The following KDM5A variants were observed in gnomAD, a reference collection of about 807,000 sequenced individuals.
The protein encoded by KDM5A is lysine demethylase 5A.
Under a neutral mutation model 193.5 loss-of-function variants are expected in KDM5A, and 42 were observed. That is an observed-to-expected ratio of 0.22 (90% CI 0.17 to 0.28). The LOEUF (loss-of-function observed/expected upper bound fraction) is 0.28, where lower values mean the gene tolerates loss of function less well. Ranked by LOEUF, KDM5A falls within the 10% of genes least tolerant of loss-of-function variation. KDM5A has a pLI of 1.00. For missense variants in KDM5A, 1,692 were observed against 2,055.1 expected, an observed-to-expected ratio of 0.82 and a Z score of 3.42; for synonymous variants, 796 against 718.1, an observed-to-expected ratio of 1.11 and a Z score of -1.73.
In KDM5A at chr12:293,018, T is replaced by C; in HGVS notation, c.4607A>G (p.Lys1536Arg). 2 of 1,590,318 alleles carry C rather than the reference T, an allele frequency of 1.3e-6. No homozygotes were observed. The highest frequency in any genetic ancestry group is 1.7e-6 in the Non-Finnish European group (2 of 1,174,104). ...ELKKMDKPRKKKLKLGADKSK... is the reference protein window; with the variant it reads ...ELKKMDKPRKRKLKLGADKSK... Reference sequence around the variant, plus strand: ...TTTGTCTGCACCTAATTTTAATTTCTTCTTTCTAGGTTTGTCCATTTTCTT... The same window carrying C: ...TTTGTCTGCACCTAATTTTAATTTCCTCTTTCTAGGTTTGTCCATTTTCTT... The change falls in exon 27 of 28, where the codon AAG becomes AGG. Residue 1536 changes from lysine to arginine, a missense_variant. Coordinates refer to ENST00000399788, the MANE Select transcript of KDM5A (RefSeq NM_001042603.3).
intron 12 of KDM5A, 39 bp from the exon 13 acceptor site, chr12:331,977 A>T (rs1943871410): frequency 6.3e-7 from 1 of 1,595,606 alleles, no homozygotes; most frequent in Non-Finnish European, 8.6e-7. Flanking sequence ...AAAATAAAAA[A>T]TAAAAATAAC....
chr12:314,241 G>A (rs566984111), intron 19 of KDM5A, among the ~76,000 whole-genome samples: 23 of 152,202 alleles, frequency 1.5e-4, no homozygotes, highest in South Asian at 8.3e-4. Context: ...GGTCACCCAG[G>A]CTGAAGTGCA....
At chr12:291,677 T>A (rs1009264115) in intron 27 of KDM5A, among the ~76,000 whole-genome samples, 1 of 152,202 alleles carries the variant, frequency 6.6e-6, no homozygotes, top group African/African-American at 2.4e-5. Flanking sequence ...ATTAGAATTC[T>A]AAATATCAAA....
rs1944324108 is a variant in KDM5A, at chr12:364,222, A to G, written c.538-1125T>C. On this transcript the variant is annotated intron_variant, in intron 4 of 27. Transcript: ENST00000399788. ...TGCGGTGGCTCACGCCTATAATCTCAGCACTTTGGGTGGCCAAGGTGGGTG... is the reference window on the plus strand; with the variant it reads ...TGCGGTGGCTCACGCCTATAATCTCGGCACTTTGGGTGGCCAAGGTGGGTG... Among the ~76,000 whole-genome samples the G allele has an allele frequency of 3.9e-5, 6 of 152,308 alleles. No individual in the cohort carries two copies. In the South Asian group the frequency reaches 1.2e-3, roughly 32 times the overall value.
intron 5 of KDM5A, among the ~76,000 whole-genome samples, chr12:359,912 T>C (rs1197855156): frequency 2.6e-5 from 4 of 151,916 alleles, no homozygotes; most frequent in Admixed American, 2.6e-4. Flanking sequence ...TGTATTGAAT[T>C]TGGCATAACC....
intron 10 of KDM5A, among the ~76,000 whole-genome samples, chr12:348,968 C>A (rs1302493835): frequency 1.0e-4 from 15 of 145,862 alleles, no homozygotes; most frequent in Admixed American, 8.9e-4. Flanking sequence ...GGGGAAAAAA[C>A]ACGCATTCAG....
chr12:322,748 T>C (rs896807507), intron 16 of KDM5A, among the ~76,000 whole-genome samples, 181 bp from the exon 17 acceptor site: 1 of 152,206 alleles, frequency 6.6e-6, no homozygotes, highest in African/African-American at 2.4e-5. Context: ...CAGGTGCTCA[T>C]TTATAATCCC....
chr12:324,465 C>T (rs1456346128), intron 14 of KDM5A, among the ~76,000 whole-genome samples: 2 of 152,134 alleles, frequency 1.3e-5, no homozygotes, highest in Admixed American at 6.5e-5. Flanking sequence ...AAAAGTAACA[C>T]TGACATATAC....
intron 4 of KDM5A, among the ~76,000 whole-genome samples, chr12:364,779 CAAA>C (rs61342800): frequency 9.0e-6 from 1 of 111,340 alleles, no homozygotes; most frequent in Non-Finnish European, 1.8e-5. Context: ...AGTCTCATCT[CAAA>C]AAAAAAAAAA....
intron 13 of KDM5A, 82 bp downstream of exon 13, chr12:331,737 C>CTAA: frequency 4.5e-6 from 7 of 1,539,886 alleles, no homozygotes; most frequent in Non-Finnish European, 6.3e-6. Flanking sequence ...CTGAGCCCAG[C>CTAA]TAAGCAAATA....
chr12:323,258 C>T (rs1336049629), intron 15 of KDM5A, 52 bp from the exon 16 acceptor site: 2 of 1,352,716 alleles, frequency 1.5e-6, no homozygotes, highest in East Asian at 6.1e-5. Context: ...AAATAAAAAC[C>T]TCAAAAACCA....
In KDM5A at chr12:384,157, A is replaced by G. The variant is rs773432815; in HGVS notation, c.244-4T>C. On this transcript the variant is annotated splice_region_variant and splice_polypyrimidine_tract_variant and intron_variant, in intron 2 of 27. Coordinates refer to ENST00000399788, the MANE Select transcript of KDM5A (RefSeq NM_001042603.3). ...CCAATCTCACTCTGGTCATTGCCTA[A>G]GATTATTAAAATACAGAAGAACTAA... The G allele has an allele frequency of 3.1e-6, 5 of 1,589,218 alleles. No homozygotes were observed. In the Admixed American group the frequency reaches 8.3e-5, roughly 26 times the overall value.
intron 15 of KDM5A, 60 bp from the exon 16 acceptor site, chr12:323,266 C>CAAAAAAAA: frequency 7.9e-7 from 1 of 1,262,752 alleles, no homozygotes; most frequent in Non-Finnish European, 1.0e-6. Flanking sequence ...ACCTCAAAAA[C>CAAAAAAAA]CAACAATAAC....
At chr12:291,938 T>C (rs1028904465) in intron 27 of KDM5A, among the ~76,000 whole-genome samples, 4 of 151,414 alleles carry the variant, frequency 2.6e-5, no homozygotes, top group Admixed American at 2.6e-4. Flanking sequence ...GTTTTGCTCT[T>C]GTGGCCCAGG....
At chr12:381,069 A>C (rs1944567387) in intron 3 of KDM5A, among the ~76,000 whole-genome samples, 1 of 151,882 alleles carries the variant, frequency 6.6e-6, no homozygotes, top group South Asian at 2.1e-4. Flanking sequence ...ATCTCAGCTC[A>C]CCACAACCTC....
At chr12:366,391 GT>G (rs1352407088) in intron 3 of KDM5A, among the ~76,000 whole-genome samples, 1 of 151,928 alleles carries the variant, frequency 6.6e-6, no homozygotes, top group Non-Finnish European at 1.5e-5. Flanking sequence ...CTAAACACAT[GT>G]ACAGACAGAC....
chr12:352,131 G>C lies in KDM5A; in HGVS notation c.1149+74C>G, dbSNP rs574039818. 9.1e-4 allele frequency: 421 copies of C among 463,558 alleles called. 2 individuals carry two copies. The African/African-American group carries it at 9.7e-3, about 11-fold the overall frequency. The allele number at this position is 463,558 out of a possible 1,614,324, so 28.7% of individuals were successfully genotyped here. A position where few individuals can be genotyped will look rare whatever the true frequency, so the allele number is the denominator to read the frequency against. On this transcript the variant is annotated intron_variant, in intron 9 of 27. Coordinates refer to ENST00000399788, the MANE Select transcript of KDM5A (RefSeq NM_001042603.3). Reference sequence around the variant, plus strand: ...AAAAAAAAAAAAAAAAAAAAAAAAAGAGGAAACTGAAGGCTTTGTACTCAG... The same window carrying C: ...AAAAAAAAAAAAAAAAAAAAAAAAACAGGAAACTGAAGGCTTTGTACTCAG...
intron 17 of KDM5A, among the ~76,000 whole-genome samples, chr12:321,452 T>C (rs1240487496): frequency 6.6e-6 from 1 of 152,236 alleles, no homozygotes; most frequent in Non-Finnish European, 1.5e-5. Flanking sequence ...TAGGTGACAA[T>C]GAACCCTCTG....
chr12:331,140 GA>G (rs200116813), intron 13 of KDM5A, among the ~76,000 whole-genome samples: 6 of 148,892 alleles, frequency 4.0e-5, no homozygotes, highest in Non-Finnish European at 6.0e-5. Flanking sequence ...TTGTCTATCA[GA>G]AAAAAAAAAT....
Sources: allele counts gnomAD v4.1 joint callset (sites outside exome capture counted in the v4.1 genomes callset), GRCh38; gene constraint gnomAD v4.1.1; transcripts MANE v1.5; gene names NCBI Gene and HGNC (gene_info 2026-07-23, HGNC 2026-07-21).